The following SS18L1 variants were observed in gnomAD, a reference collection of about 807,000 sequenced individuals.
The protein encoded by SS18L1 is SS18L1 subunit of BAF chromatin remodeling complex, also known as calcium-responsive transactivator.
A neutral mutation model predicts 70.3 loss-of-function variants in SS18L1; 32 were observed. That is an observed-to-expected ratio of 0.46 (90% confidence interval 0.34 to 0.61). The LOEUF is 0.61. Among genes scored for constraint, SS18L1 ranks in the 20% least tolerant of loss-of-function variants. The probability of loss-of-function intolerance (pLI) is 0.01; values close to 1 mark genes in which losing one functional copy is unlikely to be tolerated. For missense variants in SS18L1, 430 were observed against 542.1 expected (o/e 0.79, Z 2.05); for synonymous variants, 237 against 229.7 (o/e 1.03, Z -0.29).
intron 1 of SS18L1, among the ~76,000 whole-genome samples, chr20:62,150,468 G>A (rs766693519): frequency 2.6e-5 from 4 of 152,204 alleles, no homozygotes; most frequent in Admixed American, 6.5e-5. Context: ...TGACTCCTAG[G>A]AATTGATTCT....
chr20:62,173,941 G>A lies in SS18L1; in HGVS notation c.1037-576G>A, dbSNP rs376581880. ...AGGCAGGAGAATCACTTGAGCCTGG[G>A]AGGTGGAGGTTGCGGTGAGCCAAGA... On this transcript the variant is annotated intron_variant, in intron 9 of 10. Coordinates refer to ENST00000331758, the MANE Select transcript of SS18L1 (RefSeq NM_198935.3). 8.5e-5 allele frequency among the ~76,000 whole-genome samples: 13 copies of A among 152,130 alleles called. No homozygotes were observed. In the East Asian group the frequency reaches 2.1e-3, roughly 25 times the overall value.
chr20:62,159,973 C>T lies in SS18L1; in HGVS notation c.231+12C>T, dbSNP rs373605519. ...CCCTGCTTCCTGCCGTGAGTACCCA[C>T]GGGGGGTTGGCCTCCTTTACCCAGC... On this transcript the variant is annotated intron_variant, in intron 3 of 10. Coordinates refer to ENST00000331758, the MANE Select transcript of SS18L1 (RefSeq NM_198935.3). The surrounding 1 kb of genome is among the most constrained non-coding windows in gnomAD (Gnocchi z 4.4). 51 of 1,608,182 alleles carry T rather than the reference C, an allele frequency of 3.2e-5. No individual in the cohort carries two copies. The highest frequency in any genetic ancestry group is 4.0e-5 in the Non-Finnish European group (47 of 1,178,378).
chr20:62,149,824 C>G (rs1214140358), intron 1 of SS18L1, among the ~76,000 whole-genome samples: 1 of 152,202 alleles, frequency 6.6e-6, no homozygotes. Flanking sequence ...GAAACCATCG[C>G]AAGTCCAGGG....
chr20:62,157,545 A>G (rs1428223269), intron 1 of SS18L1, among the ~76,000 whole-genome samples: 1 of 151,986 alleles, frequency 6.6e-6, no homozygotes, highest in Non-Finnish European at 1.5e-5. Flanking sequence ...AGAAGCCTCC[A>G]TTTTGCCAGT....
Position 62,174,385 on chromosome 20 carries a change from C to G in SS18L1, c.1037-132C>G. 1 of 1,429,994 alleles carries G rather than the reference C, an allele frequency of 7.0e-7. No individual in the cohort carries two copies. The highest frequency in any genetic ancestry group is 1.4e-5 in the African/African-American group (1 of 69,050). 88.6% of individuals were successfully genotyped at this position (1,429,994 alleles called of 1,614,324 possible). A position where few individuals can be genotyped will look rare whatever the true frequency, so the allele number is the denominator to read the frequency against. ...AGGTGCCAGGTGTTCTGGAGATTGA[C>G]AAAAGGCTGATGCATTGAGACGGGA... is the stretch of plus-strand genomic sequence containing the variant. On this transcript the variant is annotated intron_variant, in intron 9 of 10. Coordinates refer to ENST00000331758, the MANE Select transcript of SS18L1 (RefSeq NM_198935.3). The surrounding 1 kb of genome is among the most constrained non-coding windows in gnomAD (Gnocchi z 4.1).
intron 1 of SS18L1, among the ~76,000 whole-genome samples, chr20:62,157,567 G>A (rs757787441): frequency 5.9e-5 from 9 of 152,222 alleles, no homozygotes; most frequent in Admixed American, 1.3e-4. Flanking sequence ...CTAGGAGCAC[G>A]TGGCGCCTGC....
chr20:62,164,115 G>A (rs748759664), intron 6 of SS18L1, 30 bp from the exon 7 acceptor site: 108 of 1,541,852 alleles, frequency 7.0e-5, no homozygotes, highest in Admixed American at 3.0e-4. Flanking sequence ...GGCGCGGCCC[G>A]CACTGGCGCT....
intron 10 of SS18L1, among the ~76,000 whole-genome samples, chr20:62,178,432 C>T (rs2057658808): frequency 6.6e-6 from 1 of 151,988 alleles, no homozygotes; most frequent in South Asian, 2.1e-4. Flanking sequence ...GGATTGCAGG[C>T]GTGAGCCACT....
chr20:62,152,083 C>T (rs756092773), intron 1 of SS18L1, among the ~76,000 whole-genome samples: 7 of 152,080 alleles, frequency 4.6e-5, no homozygotes, highest in South Asian at 4.1e-4. Context: ...TTTCCTCCAT[C>T]GGGCCGCCCT....
chr20:62,165,613 G>A, intron 8 of SS18L1, 99 bp downstream of exon 8: 4 of 1,127,120 alleles, frequency 3.5e-6, no homozygotes, highest in Non-Finnish European at 5.2e-6. Context: ...TGCCTTCAGT[G>A]AGTCCCTTAA....
At chr20:62,169,088 G>A (rs533856702) in intron 8 of SS18L1, among the ~76,000 whole-genome samples, 34 of 152,314 alleles carry the variant, frequency 2.2e-4, no homozygotes, top group African/African-American at 8.2e-4. Flanking sequence ...GAGAGGGTGC[G>A]AGTCCCGCGT....
At chr20:62,143,972 C>A in intron 1 of SS18L1, 83 bp downstream of exon 1, 1 of 878,042 alleles carries the variant, frequency 1.1e-6, no homozygotes, top group Non-Finnish European at 1.4e-6. Context: ...AGCTGGCGGG[C>A]GCGGGGCGCG....
At chr20:62,179,125 C>T (rs1248965798) in intron 10 of SS18L1, 57 bp from the exon 11 acceptor site, 6 of 1,603,346 alleles carry the variant, frequency 3.7e-6, no homozygotes, top group Non-Finnish European at 5.1e-6. Flanking sequence ...GGGTGGACGT[C>T]TGTCTTCCTT....
chr20:62,181,344 A>C lies in SS18L1; in HGVS notation c.*2136A>C, dbSNP rs2057705243. On this transcript the variant is annotated 3_prime_UTR_variant, in exon 11 of 11. Coordinates refer to ENST00000331758, the MANE Select transcript of SS18L1 (RefSeq NM_198935.3). ...CCCTTGATTGTGTTCTTTTCCTGTC[A>C]ATTTTCATAGACCTAATTTGCAAAC... The C allele has an allele frequency of 9.6e-6, 2 of 208,086 alleles. No individual in the cohort carries two copies. Among genetic ancestry groups the C allele is most frequent in the Non-Finnish European group, 9.8e-6 (1 of 102,004 alleles). 12.9% of individuals were successfully genotyped at this position (208,086 alleles called of 1,614,324 possible). A position where few individuals can be genotyped will look rare whatever the true frequency, so the allele number is the denominator to read the frequency against.
chr20:62,175,620 T>G (rs1232271535), intron 10 of SS18L1, among the ~76,000 whole-genome samples: 1 of 152,136 alleles, frequency 6.6e-6, no homozygotes, highest in Non-Finnish European at 1.5e-5. Context: ...TGTTGGTGAC[T>G]CTGAGGTGGC....
Position 62,176,118 on chromosome 20 carries a change from C to T in SS18L1, c.1164+1474C>T, listed in dbSNP as rs537296386. Among the ~76,000 whole-genome samples, 14 of 152,372 alleles carry T rather than the reference C, an allele frequency of 9.2e-5. No individual in the cohort carries two copies. The South Asian group carries it at 2.9e-3, about 32-fold the overall frequency. On this transcript the variant is annotated intron_variant, in intron 10 of 10. Coordinates refer to ENST00000331758, the MANE Select transcript of SS18L1 (RefSeq NM_198935.3). Reference sequence around the variant, plus strand: ...TGATTCTGATGAGACGCCATACCTCCTTCATACAGTCCTGAAAATAACTTA... The same window carrying T: ...TGATTCTGATGAGACGCCATACCTCTTTCATACAGTCCTGAAAATAACTTA...
intron 1 of SS18L1, among the ~76,000 whole-genome samples, chr20:62,156,396 C>T (rs577778072): frequency 2.6e-4 from 40 of 152,298 alleles, no homozygotes; most frequent in South Asian, 2.5e-3. Flanking sequence ...CCCACAGTGT[C>T]CCCTGGCGGC....
chr20:62,154,412 C>G (rs2057186231), intron 1 of SS18L1: 1 of 1,045,198 alleles, frequency 9.6e-7, no homozygotes, highest in East Asian at 5.6e-5. Flanking sequence ...ACTAGAATTT[C>G]TACGCAGAAG....
intron 5 of SS18L1, 75 bp downstream of exon 5, chr20:62,163,006 T>C (rs2145742443): frequency 6.5e-7 from 1 of 1,545,654 alleles, no homozygotes; most frequent in South Asian, 1.2e-5. Flanking sequence ...ACGTTGGACA[T>C]GTGGTCCCGG....
Sources: allele counts gnomAD v4.1 joint callset (sites outside exome capture counted in the v4.1 genomes callset), GRCh38; gene constraint gnomAD v4.1.1; non-coding constraint Gnocchi (gnomAD v3.1); transcripts MANE v1.5; gene names NCBI Gene and HGNC (gene_info 2026-07-23, HGNC 2026-07-21).